The following ROBO1 variants were observed in gnomAD, a reference collection of about 807,000 sequenced individuals.
ROBO1 encodes the protein roundabout homolog 1.
Under a neutral mutation model 195.9 loss-of-function variants are expected in ROBO1, and 149 were observed. The observed-to-expected ratio is 0.76, with a 90% confidence interval of 0.67 to 0.87. The LOEUF is 0.87. Among genes scored for constraint, ROBO1 ranks in the 40% least tolerant of loss-of-function variants. ROBO1 has a pLI of 0.00. For missense variants in ROBO1, 1,933 were observed against 2,068.3 expected, an observed-to-expected ratio of 0.93 and a Z score of 1.27; for synonymous variants, 816 against 733.2, an observed-to-expected ratio of 1.11 and a Z score of -1.82.
At chr3:79,412,515 G>A (rs1190286195) in intron 2 of ROBO1, among the ~76,000 whole-genome samples, 1 of 152,082 alleles carries the variant, frequency 6.6e-6, no homozygotes, top group Admixed American at 6.6e-5. Context: ...AACAGAGGTG[G>A]TTGTTAAGGA....
intron 4 of ROBO1, among the ~76,000 whole-genome samples, chr3:78,882,274 C>T (rs979841714): frequency 5.3e-5 from 8 of 152,058 alleles, no homozygotes; most frequent in African/African-American, 1.9e-4. Flanking sequence ...TTGTAAAAGG[C>T]GTCAAGAAAT....
intron 2 of ROBO1, among the ~76,000 whole-genome samples, chr3:79,141,854 C>T (rs1289000533): frequency 1.3e-5 from 2 of 152,126 alleles, no homozygotes; most frequent in Admixed American, 6.6e-5. Flanking sequence ...TCTTATTACA[C>T]ACATACTACA....
chr3:79,057,958 G>T (rs139249374), intron 3 of ROBO1, among the ~76,000 whole-genome samples: 69 of 152,098 alleles, frequency 4.5e-4, no homozygotes, highest in African/African-American at 1.6e-3. Flanking sequence ...ACATGCACCT[G>T]GTTGTATCCA....
chr3:78,981,750 T>C (rs1162939292), intron 3 of ROBO1, among the ~76,000 whole-genome samples: 1 of 149,416 alleles, frequency 6.7e-6, no homozygotes, highest in Admixed American at 6.7e-5. Context: ...CTTCCCAGCC[T>C]TCTCTCATTT....
chr3:79,211,101 G>A (rs1005563216), intron 2 of ROBO1, among the ~76,000 whole-genome samples: 1 of 152,006 alleles, frequency 6.6e-6, no homozygotes, highest in African/African-American at 2.4e-5. Context: ...GTTCTGCTAC[G>A]GGAGGTTGCA....
intron 2 of ROBO1, among the ~76,000 whole-genome samples, chr3:79,387,282 T>A (rs2036785614): frequency 6.6e-6 from 1 of 152,062 alleles, no homozygotes; most frequent in Non-Finnish European, 1.5e-5. Flanking sequence ...AAAAAATTTG[T>A]AGCAGTAACT....
intron 2 of ROBO1, among the ~76,000 whole-genome samples, chr3:79,380,352 C>G (rs560764903): frequency 9.7e-4 from 147 of 152,092 alleles, no homozygotes; most frequent in Non-Finnish European, 1.7e-3. Context: ...CTGTTCCTCC[C>G]AATTTGCAAA....
intron 5 of ROBO1, among the ~76,000 whole-genome samples, chr3:78,745,159 T>G (rs2082626701): frequency 6.6e-6 from 1 of 151,920 alleles, no homozygotes; most frequent in South Asian, 2.1e-4. Context: ...AATACAAAAA[T>G]TAGCTGGGTG....
At chr3:79,685,904 C>A (rs1259266260) in intron 1 of ROBO1, among the ~76,000 whole-genome samples, 2 of 152,088 alleles carry the variant, frequency 1.3e-5, no homozygotes, top group Non-Finnish European at 2.9e-5. Flanking sequence ...CAAAGCCTGG[C>A]AGAGACAACA....
At chr3:78,842,922 A>G (rs1024182691) in intron 4 of ROBO1, among the ~76,000 whole-genome samples, 12 of 152,088 alleles carry the variant, frequency 7.9e-5, no homozygotes, top group African/African-American at 4.8e-5. Flanking sequence ...TATTCACTAC[A>G]GAGCTATTTG....
chr3:79,760,249 A>AAAAAAAAAAAAAAAAAAAAAAAC (rs1704619640), intron 1 of ROBO1, among the ~76,000 whole-genome samples: 1 of 143,158 alleles, frequency 7.0e-6, no homozygotes, highest in Non-Finnish European at 1.5e-5. Flanking sequence ...AAAAAAAAAA[A>AAAAAAAAAAAAAAAAAAAAAAAC]AAAAAAAAAA....
At chr3:79,040,814 T>C (rs183313522) in intron 3 of ROBO1, among the ~76,000 whole-genome samples, 39 of 152,318 alleles carry the variant, frequency 2.6e-4, no homozygotes, top group Non-Finnish European at 5.0e-4. Context: ...CAACACAAAG[T>C]ATTCAATTGT....
intron 1 of ROBO1, among the ~76,000 whole-genome samples, chr3:79,753,196 C>A (rs191393930): frequency 6.6e-6 from 1 of 152,092 alleles, no homozygotes; most frequent in African/African-American, 2.4e-5. Context: ...CTTATTCAAA[C>A]CACCTAAATT....
chr3:78,950,661 A>C (rs1282294228), intron 3 of ROBO1, among the ~76,000 whole-genome samples: 1 of 151,230 alleles, frequency 6.6e-6, no homozygotes, highest in African/African-American at 2.4e-5. Flanking sequence ...TTAAAGTATA[A>C]TAATAATAAA....
intron 1 of ROBO1, among the ~76,000 whole-genome samples, chr3:79,747,068 C>T (rs898126729): frequency 1.3e-5 from 2 of 151,912 alleles, no homozygotes; most frequent in Admixed American, 1.3e-4. Flanking sequence ...TCATCCAGGT[C>T]TAAGTAGGGA....
At chr3:78,915,019 AAC>A (rs1313372843) in intron 4 of ROBO1, among the ~76,000 whole-genome samples, 2 of 152,052 alleles carry the variant, frequency 1.3e-5, no homozygotes, top group African/African-American at 2.4e-5. Flanking sequence ...AAAAAACAAA[AAC>A]AGTGGCAAAC....
chr3:79,208,078 C>G (rs1409057371), intron 2 of ROBO1, among the ~76,000 whole-genome samples: 2 of 152,146 alleles, frequency 1.3e-5, no homozygotes, highest in African/African-American at 4.8e-5. Flanking sequence ...GTTCCCCATG[C>G]TCAAATCTAA....
At chr3:78,938,225 C>T (rs763131976) in intron 4 of ROBO1, 2 of 234,614 alleles carry the variant, frequency 8.5e-6, no homozygotes, top group Non-Finnish European at 8.5e-6. Context: ...GCCCAGAACC[C>T]CTGGGCTCAA....
At chr3:78,850,078 G>T (rs567395375) in intron 4 of ROBO1, among the ~76,000 whole-genome samples, 1 of 152,112 alleles carries the variant, frequency 6.6e-6, no homozygotes, top group Non-Finnish European at 1.5e-5. Flanking sequence ...AGAGCAACAG[G>T]TCATATCATA....
Sources: gnomAD v4.1 joint callset for allele counts (sites outside exome capture counted in the v4.1 genomes callset) on GRCh38, gnomAD v4.1.1 for gene constraint, MANE v1.5 for transcripts, NCBI Gene and HGNC (gene_info 2026-07-23, HGNC 2026-07-21) for gene names.